Variants in SEPTIN9 observed in about 807,000 individuals in gnomAD.
SEPTIN9 encodes septin 9.
SEPTIN9 carries 13 observed loss-of-function variants against 56.6 expected under a neutral mutation model. That is an observed-to-expected ratio of 0.23 (90% CI 0.15 to 0.37). The LOEUF is 0.37. SEPTIN9 is among the 10% of genes least tolerant of loss of function. The pLI is 1.00. For missense variants in SEPTIN9, 650 were observed against 823.1 expected (o/e 0.79, Z 2.57); for synonymous variants, 332 against 334.1 (o/e 0.99, Z 0.07).
At chr17:77,498,222 C>T (rs1004395908) in intron 11 of SEPTIN9, among the ~76,000 whole-genome samples, 3 of 151,914 alleles carry the variant, frequency 2.0e-5, no homozygotes, top group South Asian at 2.1e-4. Context: ...TATGCACTGT[C>T]CCTGGGCCCT....
chr17:77,395,421 C>T (rs532847206), intron 2 of SEPTIN9, among the ~76,000 whole-genome samples: 26 of 150,520 alleles, frequency 1.7e-4, no homozygotes, highest in African/African-American at 5.4e-4. Context: ...CCCAGCTACT[C>T]GGGAGGCTGA....
rs2039222321 is a variant in SEPTIN9 at position 77,476,568 on chromosome 17, C to T, written c.722-5576C>T. ...GGAGAAAAGATGGCCCAGTGGACGC[C>T]TGCGGGGAGGAGGGAGCTGGTCCCC... On this transcript the variant is annotated intron_variant, in intron 3 of 11. Transcript: ENST00000427177. This position sits in a 1 kb window ranked among gnomAD's most constrained non-coding sequence, Gnocchi z 6.0. 6.6e-6 allele frequency among the ~76,000 whole-genome samples: 1 copy of T among 152,204 alleles called. No individual in the cohort carries two copies. Among genetic ancestry groups the T allele is most frequent in the Non-Finnish European group, 1.5e-5 (1 of 68,024 alleles).
chr17:77,488,352 C>T lies in SEPTIN9; in HGVS notation c.1124+31C>T, dbSNP rs369275163. ...GCCCCTCCAGGGGGAGGAGCACTAG[C>T]GGGGGCTTCAGGGCTCCCTGGACCC... On this transcript the variant is annotated intron_variant, in intron 6 of 11. Transcript: ENST00000427177. 2.5e-5 allele frequency: 39 copies of T among 1,588,896 alleles called. No homozygotes were observed. The African/African-American group carries it at 3.0e-4, about 12-fold the overall frequency.
At chr17:77,430,264 G>A (rs879681024) in intron 3 of SEPTIN9, among the ~76,000 whole-genome samples, 6 of 152,184 alleles carry the variant, frequency 3.9e-5, no homozygotes, top group Non-Finnish European at 8.8e-5. Context: ...GGGCAGTGGA[G>A]GCCTTGAAAG....
At chr17:77,480,497 T>C (rs2039411892) in intron 3 of SEPTIN9, among the ~76,000 whole-genome samples, 1 of 152,138 alleles carries the variant, frequency 6.6e-6, no homozygotes, top group Non-Finnish European at 1.5e-5. Flanking sequence ...TGAACTGAAG[T>C]CTCCCACTGC....
chr17:77,419,611 T>C (rs1275139258), intron 3 of SEPTIN9, among the ~76,000 whole-genome samples: 1 of 152,180 alleles, frequency 6.6e-6, no homozygotes, highest in African/African-American at 2.4e-5. Flanking sequence ...GCTTCCACTC[T>C]AGAGGTCTCT....
intron 3 of SEPTIN9, chr17:77,472,460 T>C (rs1016098745): frequency 6.6e-6 from 1 of 152,172 alleles, no homozygotes; most frequent in Non-Finnish European, 1.5e-5. Flanking sequence ...GGAGACAGAC[T>C]CACACCACCT....
At position 77,313,317 on chromosome 17, in the gene SEPTIN9, G is replaced by A. The variant is rs534068452; in HGVS notation, c.76+6120G>A. 6.6e-6 allele frequency among the ~76,000 whole-genome samples: 1 copy of A among 152,338 alleles called. No homozygotes were observed. The highest frequency in any genetic ancestry group is 2.1e-4 in the South Asian group (1 of 4,828). On this transcript the variant is annotated intron_variant, in intron 2 of 11. Coordinates refer to ENST00000427177, the MANE Select transcript of SEPTIN9 (RefSeq NM_001113491.2). This position sits in a 1 kb window ranked among gnomAD's most constrained non-coding sequence, Gnocchi z 4.5. ...TGTGAGAGTGGAATTGGGCCCAACC[G>A]GGCTGCTTCTCCCCGTTGTCTTGGT...
At chr17:77,444,957 G>A in intron 3 of SEPTIN9, 3 of 366,820 alleles carry the variant, frequency 8.2e-6, no homozygotes, top group South Asian at 2.1e-5. Flanking sequence ...TGAGATTGGG[G>A]CATCCTGAAC....
At chr17:77,463,542 A>G (rs1241735833) in intron 3 of SEPTIN9, among the ~76,000 whole-genome samples, 1 of 151,848 alleles carries the variant, frequency 6.6e-6, no homozygotes, top group Non-Finnish European at 1.5e-5. Context: ...ATTTCCTTTA[A>G]AAAAAAATGG....
Position 77,433,292 on chromosome 17 carries a change from A to T in SEPTIN9, c.721+30589A>T, listed in dbSNP as rs112587. Reference sequence around the variant, plus strand: ...TCCTGTGAGCCTAGGGAGCCCCTCCATGCAGCCCCTTCACTGGCCATTGCC... The same window carrying T: ...TCCTGTGAGCCTAGGGAGCCCCTCCTTGCAGCCCCTTCACTGGCCATTGCC... On this transcript the variant is annotated intron_variant, in intron 3 of 11. Coordinates refer to ENST00000427177, the MANE Select transcript of SEPTIN9 (RefSeq NM_001113491.2). The surrounding 1 kb of genome is among the most constrained non-coding windows in gnomAD (Gnocchi z 6.4). Among the ~76,000 whole-genome samples, 6,075 of 152,068 alleles carry T rather than the reference A, an allele frequency of 0.04. 403 individuals carry two copies. Among genetic ancestry groups the T allele is most frequent in the African/African-American group, 0.13 (5,531 of 41,440 alleles).
rs181880165 is a variant in SEPTIN9, at chr17:77,381,078, C to T, written c.77-20981C>T. Among the ~76,000 whole-genome samples, 19 of 152,338 alleles carry T rather than the reference C, an allele frequency of 1.2e-4. No homozygotes were observed. The East Asian group carries it at 3.1e-3, about 25-fold the overall frequency. ...ATTCCTGGCTGTCTCTACCTGTGGC[C>T]TTTGCAGGCAGCAGTTCCCTGGGGC... On this transcript the variant is annotated intron_variant, in intron 2 of 11. Coordinates refer to ENST00000427177, the MANE Select transcript of SEPTIN9 (RefSeq NM_001113491.2).
At chr17:77,331,466 G>T (rs2033354019) in intron 2 of SEPTIN9, among the ~76,000 whole-genome samples, 1 of 152,080 alleles carries the variant, frequency 6.6e-6, no homozygotes, top group South Asian at 2.1e-4. Flanking sequence ...GAAGCACTGG[G>T]CATTTCCCGT....
intron 3 of SEPTIN9, among the ~76,000 whole-genome samples, chr17:77,406,349 G>C (rs1370165465): frequency 6.6e-6 from 1 of 151,992 alleles, no homozygotes; most frequent in African/African-American, 2.4e-5. Flanking sequence ...TCACTGCCTT[G>C]GTGAACTCCT....
intron 2 of SEPTIN9, among the ~76,000 whole-genome samples, chr17:77,362,996 G>C (rs2034462419): frequency 6.6e-6 from 1 of 152,240 alleles, no homozygotes; most frequent in Admixed American, 6.5e-5. Flanking sequence ...GGGGAAGTGT[G>C]AGCCCCTGGG....
In SEPTIN9 at chr17:77,498,506, GCCCCC is replaced by G; in HGVS notation, c.1626-15_1626-11del. ...CTGCGCCCACCTCACTGACCCGCCC[GCCCCC>G]CACCCCCACAGGACGCACATGCAGA... On this transcript the variant is annotated splice_polypyrimidine_tract_variant and intron_variant, in intron 11 of 11. Transcript: ENST00000427177. 2.0e-6 allele frequency: 1 copy of G among 505,350 alleles called. No individual in the cohort carries two copies. Among genetic ancestry groups the G allele is most frequent in the Non-Finnish European group, 2.9e-6 (1 of 341,152 alleles). 31.3% of individuals were successfully genotyped at this position (505,350 alleles called of 1,614,324 possible).
intron 2 of SEPTIN9, among the ~76,000 whole-genome samples, chr17:77,352,640 C>T (rs1372648930): frequency 6.6e-6 from 1 of 152,090 alleles, no homozygotes; most frequent in African/African-American, 2.4e-5. Flanking sequence ...TCTTGTGTCT[C>T]TGTCCAAACT....
At chr17:77,346,278 CTTTTTTTTTTTTT>C (rs577131369) in intron 2 of SEPTIN9, among the ~76,000 whole-genome samples, 8 of 46,290 alleles carry the variant, frequency 1.7e-4, no homozygotes, top group Non-Finnish European at 2.4e-4. Context: ...ATCCTTAGGT[CTTTTTTTTTTTTT>C]TTTTTTTTTT....
chr17:77,448,302 A>G (rs958779630), intron 3 of SEPTIN9, among the ~76,000 whole-genome samples: 6 of 152,144 alleles, frequency 3.9e-5, no homozygotes, highest in African/African-American at 1.4e-4. Flanking sequence ...GTGAAACCCC[A>G]TCTCTACTAA....
Sources: gnomAD v4.1 joint callset for allele counts (sites outside exome capture counted in the v4.1 genomes callset) on GRCh38, gnomAD v4.1.1 for gene constraint, Gnocchi (gnomAD v3.1) non-coding constraint, MANE v1.5 for transcripts, NCBI Gene and HGNC (gene_info 2026-07-23, HGNC 2026-07-21) for gene names.